The following MICU2 variants were observed in gnomAD, a reference collection of about 807,000 sequenced individuals.
The protein encoded by MICU2 is mitochondrial calcium uptake 2, also known as calcium uptake protein 2, mitochondrial.
A neutral mutation model predicts 60.4 loss-of-function variants in MICU2; 64 were observed. The observed-to-expected ratio is 1.06, with a 90% CI of 0.87 to 1.31. The LOEUF (loss-of-function observed/expected upper bound fraction) is 1.31, where lower values mean the gene tolerates loss of function less well. Ranked by LOEUF, MICU2 falls within the 50% of genes most tolerant of loss-of-function variation. MICU2 has a pLI of 0.00. For missense variants in MICU2, 569 were observed against 531.0 expected, an observed-to-expected ratio of 1.07 and a Z score of -0.70; for synonymous variants, 201 against 175.0, an observed-to-expected ratio of 1.15 and a Z score of -1.17.
chr13:21,493,853 T>C (rs151011714), intron 11 of MICU2, among the ~76,000 whole-genome samples: 24 of 152,144 alleles, frequency 1.6e-4, no homozygotes, highest in African/African-American at 5.8e-4. Context: ...TGGACGTGTT[T>C]TGTTAGCTAA....
At chr13:21,584,508 AATG>A (rs1888418200) in intron 1 of MICU2, among the ~76,000 whole-genome samples, 1 of 152,180 alleles carries the variant, frequency 6.6e-6, no homozygotes, top group African/African-American at 2.4e-5. Context: ...ACACAAAGTT[AATG>A]ATATCCATGT....
chr13:21,503,028 G>A lies in MICU2; in HGVS notation c.831C>T (p.Phe277=). 6.2e-7 allele frequency: 1 copy of A among 1,610,528 alleles called. No individual in the cohort carries two copies. The highest frequency in any genetic ancestry group is 8.5e-7 in the Non-Finnish European group (1 of 1,178,826). The change falls in exon 9 of 12, where the codon TTC becomes TTT. Residue 277 remains phenylalanine, a synonymous_variant. Transcript: ENST00000382374. The stretch of plus-strand genomic sequence containing the variant: ...ACTCTGCAAAGTCTTCTTTTCTCAT[G>A]AAACTCAAACCTTTAGAAAACTGAA... The part of the protein sequence containing the change: ...EFLQFSKGLS[F]MRKEDFAEWL...
intron 1 of MICU2, among the ~76,000 whole-genome samples, chr13:21,591,699 A>T (rs903676000): frequency 2.6e-5 from 4 of 152,230 alleles, no homozygotes; most frequent in African/African-American, 9.6e-5. Context: ...CAATCAAATT[A>T]GAACTCAGGA....
intron 6 of MICU2, chr13:21,515,554 T>G (rs1886550818): frequency 2.3e-6 from 1 of 441,892 alleles, no homozygotes; most frequent in African/African-American, 2.0e-5. Flanking sequence ...GAATCAATTG[T>G]ATCAATCCTC....
At chr13:21,551,442 A>T (rs4335650) in intron 2 of MICU2, 143,817 of 152,280 alleles carry the variant, frequency 0.94, 68,068 homozygotes, top group East Asian at 1. Flanking sequence ...TTTTATTTTT[A>T]AATTATTTTT....
intron 9 of MICU2, among the ~76,000 whole-genome samples, chr13:21,501,485 A>C (rs138446351): frequency 6.6e-6 from 1 of 152,088 alleles, no homozygotes; most frequent in African/African-American, 2.4e-5. Flanking sequence ...GATGGTCTTG[A>C]TCTCCTGACC....
intron 4 of MICU2, among the ~76,000 whole-genome samples, chr13:21,525,783 T>A (rs1431933386): frequency 1.3e-5 from 2 of 152,058 alleles, no homozygotes; most frequent in Non-Finnish European, 2.9e-5. Context: ...CTTTACATAT[T>A]CTGGTTATTA....
intron 2 of MICU2, among the ~76,000 whole-genome samples, chr13:21,544,530 A>C (rs867830451): frequency 6.7e-6 from 1 of 149,000 alleles, no homozygotes; most frequent in Non-Finnish European, 1.5e-5. Flanking sequence ...AAAAAAAAAA[A>C]AAAACTCAAT....
intron 2 of MICU2, among the ~76,000 whole-genome samples, chr13:21,555,514 T>C (rs1022754004): frequency 6.6e-6 from 1 of 152,086 alleles, no homozygotes; most frequent in Middle Eastern, 3.4e-3. Context: ...ATTGATGGGA[T>C]GTATCTCAAA....
At chr13:21,539,258 A>C in intron 4 of MICU2, 44 bp downstream of exon 4, 1 of 1,521,520 alleles carries the variant, frequency 6.6e-7, no homozygotes, top group Non-Finnish European at 9.1e-7. Context: ...TACTTCAGTT[A>C]AATAAAACAC....
At chr13:21,502,617 T>C (rs1007127175) in intron 9 of MICU2, among the ~76,000 whole-genome samples, 6 of 152,210 alleles carry the variant, frequency 3.9e-5, no homozygotes, top group African/African-American at 1.4e-4. Flanking sequence ...CCTTTCACAT[T>C]TTTATACTCT....
intron 1 of MICU2, chr13:21,582,951 T>C: frequency 1.2e-5 from 2 of 163,526 alleles, no homozygotes; most frequent in Non-Finnish European, 2.6e-5. Context: ...AAATTTATAT[T>C]CGAGTGCTAT....
intron 1 of MICU2, among the ~76,000 whole-genome samples, chr13:21,589,189 T>C (rs1358554585): frequency 1.3e-5 from 2 of 152,212 alleles, no homozygotes; most frequent in African/African-American, 4.8e-5. Context: ...CCCAATGAGT[T>C]AGCCTGCAAC....
At chr13:21,517,238 A>G (rs79705466) in intron 6 of MICU2, among the ~76,000 whole-genome samples, 6,411 of 152,310 alleles carry the variant, frequency 0.042, 439 homozygotes, top group African/African-American at 0.15. Context: ...CATCTTCACA[A>G]GGCTTTTATT....
chr13:21,558,847 CTCAGCTGCA>C (rs1887769794), intron 2 of MICU2, among the ~76,000 whole-genome samples: 2 of 152,122 alleles, frequency 1.3e-5, no homozygotes, highest in Non-Finnish European at 2.9e-5. Flanking sequence ...GCTCCCACTT[CTCAGCTGCA>C]CTCCCCAGAA....
At position 21,532,433 on chromosome 13, in the gene MICU2, CCA is replaced by C. The variant is rs1478287828; in HGVS notation, c.466+6867_466+6868del. ...TTGCCAAGTACTCTCCCAATTTTCT[CCA>C]AAGTTTGTTAAATCTCATTCATATC... On this transcript the variant is annotated intron_variant, in intron 4 of 11. Coordinates refer to ENST00000382374, the MANE Select transcript of MICU2 (RefSeq NM_152726.3). Among the ~76,000 whole-genome samples the C allele has an allele frequency of 5.9e-5, 9 of 152,276 alleles. No individual in the cohort carries two copies. The East Asian group carries it at 9.6e-4, about 16-fold the overall frequency.
chr13:21,595,084 A>T (rs1016741484), intron 1 of MICU2, among the ~76,000 whole-genome samples: 31 of 152,228 alleles, frequency 2.0e-4, no homozygotes, highest in African/African-American at 7.0e-4. Flanking sequence ...TAAAAAGAAA[A>T]AAGAAAAGAA....
intron 1 of MICU2, among the ~76,000 whole-genome samples, chr13:21,572,568 T>TA (rs1352828905): frequency 6.6e-6 from 1 of 152,196 alleles, no homozygotes; most frequent in Non-Finnish European, 1.5e-5. Flanking sequence ...GAGCTAGACT[T>TA]AGACTGTATA....
intron 9 of MICU2, 54 bp downstream of exon 9, chr13:21,502,872 T>G (rs1303050827): frequency 2.7e-6 from 4 of 1,504,272 alleles, no homozygotes; most frequent in Non-Finnish European, 3.6e-6. Context: ...TATGTAAACA[T>G]GTCTAACTTA....
Sources: allele counts gnomAD v4.1 joint callset (sites outside exome capture counted in the v4.1 genomes callset), GRCh38; gene constraint gnomAD v4.1.1; transcripts MANE v1.5; gene names NCBI Gene and HGNC (gene_info 2026-07-23, HGNC 2026-07-21).